Variants in GABRG3 observed in about 807,000 individuals in gnomAD.
GABRG3 encodes the protein gamma-aminobutyric acid type A receptor subunit gamma3.
In GABRG3, 25 loss-of-function variants were observed where a neutral mutation model predicts 48.8. The ratio of observed to expected loss-of-function variants is 0.51; its 90% confidence interval spans 0.37 to 0.72. The LOEUF (loss-of-function observed/expected upper bound fraction) is 0.72, where lower values mean the gene tolerates loss of function less well. Ranked by LOEUF, GABRG3 falls within the 30% of genes least tolerant of loss-of-function variation. GABRG3 has a pLI of 0.00. For synonymous variants in GABRG3, 227 were observed against 217.6 expected (o/e 1.04, Z -0.38); for missense variants, 394 against 577.9 (o/e 0.68, Z 3.26).
At chr15:27,325,891 G>A (rs761037051) in intron 3 of GABRG3, among the ~76,000 whole-genome samples, 1 of 152,182 alleles carries the variant, frequency 6.6e-6, no homozygotes, top group Non-Finnish European at 1.5e-5. Flanking sequence ...CTCTGCAAAA[G>A]TAATATGTTT....
chr15:27,256,123 G>A (rs377720733), intron 3 of GABRG3, among the ~76,000 whole-genome samples: 6 of 152,214 alleles, frequency 3.9e-5, no homozygotes, highest in Admixed American at 2.0e-4. Flanking sequence ...GAGGCAAGAG[G>A]GTCAGAGTAG....
At chr15:27,111,222 G>GT (rs1196586413) in intron 3 of GABRG3, among the ~76,000 whole-genome samples, 3 of 152,024 alleles carry the variant, frequency 2.0e-5, no homozygotes, top group Non-Finnish European at 2.9e-5. Flanking sequence ...TTGTGCGTGT[G>GT]TTTTTTTAGT....
intron 5 of GABRG3, among the ~76,000 whole-genome samples, chr15:27,368,476 G>T (rs1193043055): frequency 6.6e-6 from 1 of 152,222 alleles, no homozygotes; most frequent in African/African-American, 2.4e-5. Flanking sequence ...TAAAGTTATT[G>T]CATAGCATGA....
intron 3 of GABRG3, among the ~76,000 whole-genome samples, chr15:27,095,211 T>C (rs1196339149): frequency 6.6e-6 from 1 of 152,230 alleles, no homozygotes. Flanking sequence ...AGCAAACAGC[T>C]CAGGCCCCTG....
At chr15:27,108,584 T>C (rs1897491109) in intron 3 of GABRG3, among the ~76,000 whole-genome samples, 1 of 152,152 alleles carries the variant, frequency 6.6e-6, no homozygotes, top group South Asian at 2.1e-4. Context: ...TAACTGTCAG[T>C]TAGATCAAAT....
chr15:27,445,970 T>A (rs1382392099), intron 5 of GABRG3, among the ~76,000 whole-genome samples: 1 of 152,202 alleles, frequency 6.6e-6, no homozygotes, highest in South Asian at 2.1e-4. Context: ...AGAGGATTTA[T>A]TTGTGAACTC....
chr15:27,053,788 C>A (rs1427108105), intron 3 of GABRG3, among the ~76,000 whole-genome samples: 4 of 152,116 alleles, frequency 2.6e-5, no homozygotes, highest in Admixed American at 6.5e-5. Flanking sequence ...TACCGCGCAG[C>A]CATTAAGAAA....
At chr15:27,082,009 G>A (rs1269988576) in intron 3 of GABRG3, among the ~76,000 whole-genome samples, 1 of 152,152 alleles carries the variant, frequency 6.6e-6, no homozygotes, top group African/African-American at 2.4e-5. Context: ...ACACATCCTG[G>A]TGAATGTTTA....
intron 5 of GABRG3, among the ~76,000 whole-genome samples, chr15:27,378,159 C>T (rs1895657857): frequency 6.6e-6 from 1 of 152,118 alleles, no homozygotes. Flanking sequence ...AGCATAGGCT[C>T]CAGGTGAGAG....
rs113090693 is a variant in GABRG3 at position 27,203,936 on chromosome 15, A to C, written c.271-122873A>C. ...ATTAAGTTCCTTATTAAGGAAGTTAAGTTTCTGAAAGTTAGGCCTTTGTCA... is the reference window on the plus strand; with the variant it reads ...ATTAAGTTCCTTATTAAGGAAGTTACGTTTCTGAAAGTTAGGCCTTTGTCA... On this transcript the variant is annotated intron_variant, in intron 3 of 9. Coordinates refer to ENST00000615808, the MANE Select transcript of GABRG3 (RefSeq NM_033223.5). 1.1e-3 allele frequency among the ~76,000 whole-genome samples: 171 copies of C among 152,152 alleles called. 2 individuals are homozygous for C. The highest frequency in any genetic ancestry group is 3.6e-3 in the African/African-American group (149 of 41,518).
intron 3 of GABRG3, among the ~76,000 whole-genome samples, chr15:27,078,447 T>C (rs1365315420): frequency 6.6e-6 from 1 of 152,234 alleles, no homozygotes; most frequent in Non-Finnish European, 1.5e-5. Flanking sequence ...TTTTTAGCTC[T>C]TCTATATGCT....
At chr15:27,170,566 A>G (rs1887533191) in intron 3 of GABRG3, among the ~76,000 whole-genome samples, 1 of 152,212 alleles carries the variant, frequency 6.6e-6, no homozygotes, top group African/African-American at 2.4e-5. Flanking sequence ...TGGAACAAAG[A>G]GAAGAAAAAG....
intron 6 of GABRG3, among the ~76,000 whole-genome samples, chr15:27,487,965 A>T (rs1890260119): frequency 6.6e-6 from 1 of 152,192 alleles, no homozygotes; most frequent in Non-Finnish European, 1.5e-5. Context: ...AAAGTATCTT[A>T]GTTCATGAAA....
intron 5 of GABRG3, among the ~76,000 whole-genome samples, chr15:27,349,818 A>T (rs1271134035): frequency 6.6e-6 from 1 of 152,134 alleles, no homozygotes; most frequent in Non-Finnish European, 1.5e-5. Flanking sequence ...GACTCTGGGA[A>T]AGCAGTTGCA....
intron 3 of GABRG3, among the ~76,000 whole-genome samples, chr15:27,260,753 A>C (rs1890744814): frequency 6.6e-6 from 1 of 152,098 alleles, no homozygotes; most frequent in Non-Finnish European, 1.5e-5. Flanking sequence ...CAAGAAAGAC[A>C]CTGGATCCAG....
intron 3 of GABRG3, among the ~76,000 whole-genome samples, chr15:27,324,755 A>G (rs1369100285): frequency 1.3e-5 from 2 of 152,168 alleles, no homozygotes; most frequent in Non-Finnish European, 2.9e-5. Flanking sequence ...TCTCTGTGCA[A>G]TGCCAAGAGC....
At chr15:27,198,867 CCAT>C (rs1239135790) in intron 3 of GABRG3, among the ~76,000 whole-genome samples, 3 of 152,016 alleles carry the variant, frequency 2.0e-5, no homozygotes, top group Non-Finnish European at 4.4e-5. Context: ...AAGCTGGAAA[CCAT>C]CATTCTCAGC....
At chr15:27,150,055 G>A (rs953564119) in intron 3 of GABRG3, among the ~76,000 whole-genome samples, 2 of 152,164 alleles carry the variant, frequency 1.3e-5, no homozygotes, top group Admixed American at 1.3e-4. Flanking sequence ...CTGAGATAAC[G>A]TTAGAAACTC....
chr15:27,499,790 C>T (rs534501952), intron 6 of GABRG3, among the ~76,000 whole-genome samples: 1 of 152,360 alleles, frequency 6.6e-6, no homozygotes, highest in African/African-American at 2.4e-5. Flanking sequence ...GGAAAGCCCA[C>T]AGGCAGAATT....
Sources: gnomAD v4.1 joint callset for allele counts (sites outside exome capture counted in the v4.1 genomes callset) on GRCh38, gnomAD v4.1.1 for gene constraint, MANE v1.5 for transcripts, NCBI Gene and HGNC (gene_info 2026-07-23, HGNC 2026-07-21) for gene names.